Variants in PALS1 observed in about 807,000 individuals in gnomAD.
PALS1 encodes protein PALS1.
Under a neutral mutation model 78.9 loss-of-function variants are expected in PALS1, and 31 were observed. The ratio of observed to expected loss-of-function variants is 0.39; its 90% confidence interval spans 0.30 to 0.53. The LOEUF (loss-of-function observed/expected upper bound fraction) is 0.53. Among genes scored for constraint, PALS1 ranks in the 20% least tolerant of loss-of-function variants. The pLI, the probability that PALS1 is intolerant of heterozygous loss-of-function variation, is 0.67. For synonymous variants in PALS1, 276 were observed against 270.9 expected (o/e 1.02, Z -0.18); for missense variants, 704 against 826.5 (o/e 0.85, Z 1.82).
Position 67,279,078 on chromosome 14 carries a change from G to C in PALS1, c.-93G>C. On this transcript the variant is annotated 5_prime_UTR_variant, in exon 3 of 15. Coordinates refer to ENST00000261681, the MANE Select transcript of PALS1 (RefSeq NM_022474.4). ...TGTGATGTGAGAAGTTTTTTTTTTT[G>C]AAGTAACATGGATTTTATACTACAG... is the stretch of plus-strand genomic sequence containing the variant. 3 of 863,808 alleles carry C rather than the reference G, an allele frequency of 3.5e-6. No individual in the cohort carries two copies. The highest frequency in any genetic ancestry group is 4.5e-6 in the Non-Finnish European group (3 of 663,090). The allele number at this position is 863,808 out of a possible 1,614,324, so 53.5% of individuals were successfully genotyped here.
intron 10 of PALS1, 83 bp downstream of exon 10, chr14:67,316,986 T>G (rs2085186094): frequency 9.5e-7 from 1 of 1,054,956 alleles, no homozygotes; most frequent in Non-Finnish European, 1.4e-6. Context: ...ATTAGAACCG[T>G]GAAGAAGTAC....
intron 3 of PALS1, among the ~76,000 whole-genome samples, chr14:67,285,968 T>C (rs2084679329): frequency 1.3e-5 from 2 of 152,186 alleles, no homozygotes; most frequent in Non-Finnish European, 2.9e-5. Flanking sequence ...TATTCTCTCT[T>C]TTAAATAATC....
chr14:67,332,851 G>A lies in PALS1; in HGVS notation c.1923G>A (p.Thr641=), dbSNP rs143175731. Residue 641 remains threonine (T), a synonymous_variant, in exon 15 of 15, where the codon ACG becomes ACA. Transcript: ENST00000261681. ...AGAACAATGGCCACTACTTTGATAC[G>A]GCAATTGTGAATTCCGATCTTGATA... is the stretch of plus-strand genomic sequence containing the variant. ...MEQNNGHYFD[T]AIVNSDLDKA... 2.9e-3 allele frequency: 4,606 copies of A among 1,613,946 alleles called. 155 individuals carry two copies. In the South Asian group the frequency reaches 0.046, roughly 16 times the overall value.
chr14:67,314,061 C>A (rs1337568027), intron 9 of PALS1, among the ~76,000 whole-genome samples: 1 of 151,692 alleles, frequency 6.6e-6, no homozygotes, highest in East Asian at 1.9e-4. Flanking sequence ...CTGGCCTTAT[C>A]TTTTATCTAC....
At chr14:67,308,251 A>G (rs1051681348) in intron 8 of PALS1, among the ~76,000 whole-genome samples, 4 of 150,186 alleles carry the variant, frequency 2.7e-5, no homozygotes, top group Non-Finnish European at 5.9e-5. Context: ...AAAAAAAGTC[A>G]GTGTAAAAAG....
chr14:67,298,196 G>C (rs1459408427), intron 4 of PALS1, among the ~76,000 whole-genome samples: 2 of 152,100 alleles, frequency 1.3e-5, no homozygotes. Flanking sequence ...TCATATTTCT[G>C]TTTTAAAAAG....
chr14:67,284,448 C>A (rs2140734368), intron 3 of PALS1, among the ~76,000 whole-genome samples: 1 of 94,540 alleles, frequency 1.1e-5, no homozygotes, highest in African/African-American at 8.0e-5. Flanking sequence ...AAAAAAACAG[C>A]TGGGCATGGT....
chr14:67,270,571 C>T (rs1215382099), intron 2 of PALS1: 5 of 146,752 alleles, frequency 3.4e-5, no homozygotes, highest in African/African-American at 1.3e-4. Flanking sequence ...TTACCAGCTT[C>T]TGAATTGTCA....
At chr14:67,324,992 C>T (rs1159123486) in intron 14 of PALS1, among the ~76,000 whole-genome samples, 19 of 150,138 alleles carry the variant, frequency 1.3e-4, no homozygotes, top group African/African-American at 4.7e-4. Flanking sequence ...GCAAGCTCCG[C>T]CTCCCAGGTT....
Position 67,279,516 on chromosome 14 carries a change from C to T in PALS1, c.346C>T (p.His116Tyr), listed in dbSNP as rs1276663677. ...TEEGIVLESP[H>Y]YAVKILEIED... is the part of the protein sequence containing the mutation. Reference sequence around the variant, plus strand: ...GGAAGGAATTGTCTTAGAAAGTCCTCATTATGCTGTGAAAATATTAGGTAA... The same window carrying T: ...GGAAGGAATTGTCTTAGAAAGTCCTTATTATGCTGTGAAAATATTAGGTAA... The change falls in exon 3 of 15, where the codon CAT (histidine) becomes TAT (tyrosine). Residue 116 changes from histidine to tyrosine, a missense_variant. Physicochemically the swap from His to Tyr is moderately conservative, Grantham distance 83 (BLOSUM62 2). Coordinates refer to ENST00000261681, the MANE Select transcript of PALS1 (RefSeq NM_022474.4). The T allele has an allele frequency of 6.5e-7, 1 of 1,539,158 alleles. No individual in the cohort carries two copies. Among genetic ancestry groups the T allele is most frequent in the African/African-American group, 1.4e-5 (1 of 71,996 alleles).
At chr14:67,315,832 T>C (rs1248777300) in intron 9 of PALS1, among the ~76,000 whole-genome samples, 9 of 152,152 alleles carry the variant, frequency 5.9e-5, no homozygotes, top group Non-Finnish European at 1.5e-5. Flanking sequence ...GGCTGAGGCA[T>C]GCGAATCCCT....
intron 9 of PALS1, among the ~76,000 whole-genome samples, chr14:67,316,052 T>A (rs1483627550): frequency 6.6e-6 from 1 of 152,268 alleles, no homozygotes. Flanking sequence ...ATTTGCTTAT[T>A]GATTTTTAAG....
At chr14:67,297,247 T>C (rs2140864010) in intron 4 of PALS1, among the ~76,000 whole-genome samples, 1 of 152,296 alleles carries the variant, frequency 6.6e-6, no homozygotes, top group Non-Finnish European at 1.5e-5. Flanking sequence ...GCAGTACCAG[T>C]CAGTGCAATA....
intron 1 of PALS1, among the ~76,000 whole-genome samples, chr14:67,244,839 G>A (rs1001302353): frequency 6.6e-6 from 1 of 152,194 alleles, no homozygotes; most frequent in African/African-American, 2.4e-5. Context: ...TTGCTTAAGT[G>A]GCAAAGGCTT....
chr14:67,321,548 A>G (rs936830849), intron 13 of PALS1, among the ~76,000 whole-genome samples: 7 of 152,192 alleles, frequency 4.6e-5, no homozygotes, highest in Non-Finnish European at 7.3e-5. Flanking sequence ...GAATATTTGC[A>G]TATATATAAT....
Position 67,321,342 on chromosome 14 carries a change from A to G in PALS1, c.1740+83A>G, listed in dbSNP as rs183369113. ...TCTAGTGGAAGCTATATTTTGGTCC[A>G]AGAACAGCGCGACCTAATTAAGTTC... On this transcript the variant is annotated intron_variant, in intron 13 of 14. Transcript: ENST00000261681. The G allele has an allele frequency of 2.1e-4, 282 of 1,322,532 alleles. No homozygotes were observed. The African/African-American group carries it at 3.6e-3, about 17-fold the overall frequency. The allele number at this position is 1,322,532 out of a possible 1,614,324, so 81.9% of individuals were successfully genotyped here.
intron 2 of PALS1, among the ~76,000 whole-genome samples, chr14:67,272,604 A>C (rs775701854): frequency 1.4e-4 from 22 of 151,748 alleles, no homozygotes; most frequent in Non-Finnish European, 2.9e-5. Flanking sequence ...TCTCTTATTC[A>C]CTTTTTGCCC....
At chr14:67,244,280 T>C (rs751105679) in intron 1 of PALS1, among the ~76,000 whole-genome samples, 3 of 152,236 alleles carry the variant, frequency 2.0e-5, no homozygotes, top group Non-Finnish European at 4.4e-5. Flanking sequence ...TAAGTGGAAT[T>C]GCTGATAATA....
At chr14:67,244,405 C>T (rs966651125) in intron 1 of PALS1, among the ~76,000 whole-genome samples, 2 of 152,222 alleles carry the variant, frequency 1.3e-5, no homozygotes, top group Admixed American at 1.3e-4. Context: ...TTCTTGCCCA[C>T]ACTGGGCATC....
Sources: gnomAD v4.1 joint callset for allele counts (sites outside exome capture counted in the v4.1 genomes callset) on GRCh38, gnomAD v4.1.1 for gene constraint, MANE v1.5 for transcripts, NCBI Gene and HGNC (gene_info 2026-07-23, HGNC 2026-07-21) for gene names.